The following CADPS2 variants were observed in gnomAD, a reference collection of about 807,000 sequenced individuals.
The protein encoded by CADPS2 is calcium dependent secretion activator 2.
CADPS2 carries 93 observed loss-of-function variants against 172.5 expected under a neutral mutation model. That is an observed-to-expected ratio of 0.54 (90% CI 0.46 to 0.64). The LOEUF (loss-of-function observed/expected upper bound fraction) is 0.64. Ranked by LOEUF, CADPS2 falls within the 30% of genes least tolerant of loss-of-function variation. The pLI is 0.00. For missense variants in CADPS2, 1,420 were observed against 1,565.9 expected, an observed-to-expected ratio of 0.91 and a Z score of 1.57; for synonymous variants, 546 against 555.2, an observed-to-expected ratio of 0.98 and a Z score of 0.23.
At chr7:122,456,236 G>T (rs1467690610) in intron 14 of CADPS2, among the ~76,000 whole-genome samples, 1 of 151,864 alleles carries the variant, frequency 6.6e-6, no homozygotes, top group African/African-American at 2.4e-5. Context: ...TAATAATCCT[G>T]CTTTGACATT....
chr7:122,884,953 GAA>G (rs1371378316), intron 1 of CADPS2, among the ~76,000 whole-genome samples: 2 of 152,204 alleles, frequency 1.3e-5, no homozygotes, highest in Non-Finnish European at 2.9e-5. Context: ...CTCACACACT[GAA>G]GTTAATATTT....
intron 2 of CADPS2, chr7:122,698,777 C>T: frequency 6.2e-7 from 1 of 1,613,972 alleles, no homozygotes; most frequent in Non-Finnish European, 8.5e-7. Context: ...TGATTCCCAA[C>T]ATGAAATGAT....
chr7:122,360,062 T>C (rs1454237958), intron 27 of CADPS2, among the ~76,000 whole-genome samples: 1 of 152,336 alleles, frequency 6.6e-6, no homozygotes, highest in Non-Finnish European at 1.5e-5. Flanking sequence ...TATTTTTCAT[T>C]GTGCTCTAAT....
At chr7:122,322,289 T>C (rs530146447) in intron 29 of CADPS2, among the ~76,000 whole-genome samples, 2 of 152,372 alleles carry the variant, frequency 1.3e-5, no homozygotes, top group South Asian at 4.1e-4. Flanking sequence ...TACCAGTAAG[T>C]TGGCCAGAGC....
At chr7:122,332,394 C>CTTTT (rs35258384) in intron 28 of CADPS2, among the ~76,000 whole-genome samples, 1 of 137,286 alleles carries the variant, frequency 7.3e-6, no homozygotes, top group African/African-American at 2.7e-5. Context: ...TCTTCATCAT[C>CTTTT]TTTTTTTTTT....
intron 15 of CADPS2, among the ~76,000 whole-genome samples, chr7:122,444,444 T>C (rs1433182277): frequency 6.6e-6 from 1 of 152,174 alleles, no homozygotes; most frequent in Non-Finnish European, 1.5e-5. Flanking sequence ...AGAGTTCCAG[T>C]TTCTCCACAA....
chr7:122,833,230 T>C (rs957033600), intron 1 of CADPS2, among the ~76,000 whole-genome samples: 3 of 152,222 alleles, frequency 2.0e-5, no homozygotes, highest in African/African-American at 7.2e-5. Context: ...TAGATGGAAA[T>C]GGTATTTAGT....
In CADPS2 at chr7:122,542,387, A is replaced by C. The variant is rs185940748; in HGVS notation, c.1475+12163T>G. Among the ~76,000 whole-genome samples, 650 of 152,282 alleles carry C rather than the reference A, an allele frequency of 4.3e-3. 2 individuals are homozygous for C. Among genetic ancestry groups the C allele is most frequent in the Non-Finnish European group, 6.8e-3 (463 of 67,998 alleles). On this transcript the variant is annotated intron_variant, in intron 8 of 29. Transcript: ENST00000449022. ...TCTCGTTCTCTCAGATATGATAGTA[A>C]GTCAAATGGCTAAATCTTTGGGTAA...
intron 29 of CADPS2, among the ~76,000 whole-genome samples, chr7:122,320,543 T>C (rs763220834): frequency 7.2e-5 from 11 of 152,190 alleles, no homozygotes; most frequent in Non-Finnish European, 1.3e-4. Context: ...ACAATTACTA[T>C]GACTACATCA....
intron 25 of CADPS2, among the ~76,000 whole-genome samples, chr7:122,366,072 C>T (rs2151191889): frequency 6.7e-6 from 1 of 149,574 alleles, no homozygotes; most frequent in Non-Finnish European, 1.5e-5. Flanking sequence ...TAAGTGTTTT[C>T]TGTGGGGGAG....
At chr7:122,783,933 G>C (rs1278293885) in intron 1 of CADPS2, among the ~76,000 whole-genome samples, 4 of 151,998 alleles carry the variant, frequency 2.6e-5, no homozygotes, top group African/African-American at 9.7e-5. Flanking sequence ...CTTCCAAGAG[G>C]GCTTGCGGCT....
chr7:122,777,429 T>A (rs2093919035), intron 1 of CADPS2, among the ~76,000 whole-genome samples: 1 of 152,172 alleles, frequency 6.6e-6, no homozygotes, highest in African/African-American at 2.4e-5. Flanking sequence ...TATGTGTGCT[T>A]ACATATTGGC....
intron 9 of CADPS2, among the ~76,000 whole-genome samples, chr7:122,506,744 C>T (rs201584595): frequency 7.5e-6 from 1 of 132,776 alleles, no homozygotes; most frequent in African/African-American, 2.7e-5. Flanking sequence ...AAAAAAAAAA[C>T]AAACAAACTA....
chr7:122,554,393 G>T (rs955362798), intron 8 of CADPS2, among the ~76,000 whole-genome samples, 157 bp downstream of exon 8: 6 of 152,066 alleles, frequency 3.9e-5, no homozygotes, highest in African/African-American at 1.4e-4. Context: ...CCGTCTATGG[G>T]TATAAAAACA....
At chr7:122,612,509 A>G (rs2074419016) in intron 6 of CADPS2, among the ~76,000 whole-genome samples, 1 of 152,082 alleles carries the variant, frequency 6.6e-6, no homozygotes, top group Non-Finnish European at 1.5e-5. Flanking sequence ...TACTTTGAAA[A>G]CTACAAGACA....
chr7:122,333,294 G>A (rs1048310531), intron 28 of CADPS2, among the ~76,000 whole-genome samples: 1 of 152,192 alleles, frequency 6.6e-6, no homozygotes, highest in East Asian at 1.9e-4. Flanking sequence ...GTACAACTTA[G>A]TCTTGAGATG....
intron 16 of CADPS2, among the ~76,000 whole-genome samples, chr7:122,439,128 G>T (rs1195658806): frequency 6.6e-6 from 1 of 152,014 alleles, no homozygotes; most frequent in African/African-American, 2.4e-5. Context: ...TCTCTGTTGG[G>T]CTCCTAAAAT....
intron 6 of CADPS2, among the ~76,000 whole-genome samples, chr7:122,594,568 A>G (rs1422861437): frequency 6.6e-6 from 1 of 151,962 alleles, no homozygotes; most frequent in Non-Finnish European, 1.5e-5. Flanking sequence ...TTAAACCACC[A>G]CATCCAGAGT....
chr7:122,817,105 C>T (rs986617342), intron 1 of CADPS2, among the ~76,000 whole-genome samples: 7 of 152,122 alleles, frequency 4.6e-5, no homozygotes, highest in Non-Finnish European at 1.0e-4. Flanking sequence ...CCCGCCTGCA[C>T]CCAGGTGAAA....
Sources: gnomAD v4.1 joint callset for allele counts (sites outside exome capture counted in the v4.1 genomes callset) on GRCh38, gnomAD v4.1.1 for gene constraint, MANE v1.5 for transcripts, NCBI Gene and HGNC (gene_info 2026-07-23, HGNC 2026-07-21) for gene names.